The following C5orf22 variants were observed in gnomAD, a reference collection of about 807,000 sequenced individuals.
The protein encoded by C5orf22 is UPF0489 protein C5orf22.
C5orf22 carries 36 observed loss-of-function variants against 48.7 expected under a neutral mutation model. That is an observed-to-expected ratio of 0.74 (90% CI 0.57 to 0.98). C5orf22 has a LOEUF of 0.98. C5orf22 is among the 50% of genes least tolerant of loss of function. The probability of loss-of-function intolerance (pLI) is 0.00; values close to 1 mark genes in which losing one functional copy is unlikely to be tolerated. For synonymous variants in C5orf22, 141 were observed against 180.8 expected, an observed-to-expected ratio of 0.78 and a Z score of 1.76; for missense variants, 486 against 521.9, an observed-to-expected ratio of 0.93 and a Z score of 0.67.
Position 31,553,153 on chromosome 5 carries a change from G to GTTT in C5orf22, c.*260_*262dup. 1.1e-5 allele frequency: 3 copies of GTTT among 263,852 alleles called. No individual in the cohort carries two copies. Among genetic ancestry groups the GTTT allele is most frequent in the Admixed American group, 5.1e-5 (1 of 19,562 alleles). The allele number at this position is 263,852 out of a possible 1,614,324, so 16.3% of individuals were successfully genotyped here. A position where few individuals can be genotyped will look rare whatever the true frequency, so the allele number is the denominator to read the frequency against. On this transcript the variant is annotated 3_prime_UTR_variant, in exon 9 of 9. Transcript: ENST00000325366. ...TTCCTTAAGTATTTTTTAGGGTTTT[G>GTTT]TTTTTTTTTTTGTTTGTTTGTTTGT... is the stretch of plus-strand genomic sequence containing the variant.
chr5:31,552,353 G>A (rs976481144), intron 8 of C5orf22, among the ~76,000 whole-genome samples: 1 of 152,130 alleles, frequency 6.6e-6, no homozygotes, highest in Non-Finnish European at 1.5e-5. Context: ...TTATCAGTTG[G>A]AAAACCTCGA....
At position 31,532,425 on chromosome 5, in the gene C5orf22, C is replaced by T; in HGVS notation, c.33C>T (p.Leu11=). The change falls in exon 1 of 9, where the codon CTC becomes CTT. Residue 11 remains leucine, a synonymous_variant. Transcript: ENST00000325366. MSDSAGGRAG[L]RRYPKLPVWV... ...ACTCCGCGGGAGGGCGCGCTGGTCTCCGGCGTTACCCCAAGCTCCCAGTGT... is the reference window on the plus strand; with the variant it reads ...ACTCCGCGGGAGGGCGCGCTGGTCTTCGGCGTTACCCCAAGCTCCCAGTGT... 6.2e-7 allele frequency: 1 copy of T among 1,613,972 alleles called. No individual in the cohort carries two copies. Among genetic ancestry groups the T allele is most frequent in the Non-Finnish European group, 8.5e-7 (1 of 1,179,952 alleles).
intron 7 of C5orf22, 110 bp downstream of exon 7, chr5:31,545,822 A>C: frequency 1.5e-6 from 1 of 652,574 alleles, no homozygotes; most frequent in South Asian, 2.0e-5. Context: ...GTTCCTGTGA[A>C]GTCTGAAACA....
chr5:31,539,669 A>C (rs1742329358), intron 4 of C5orf22, among the ~76,000 whole-genome samples: 2 of 152,194 alleles, frequency 1.3e-5, no homozygotes, highest in Admixed American at 1.3e-4. Flanking sequence ...TTTAAAAAGC[A>C]TATATTAAAC....
chr5:31,537,844 A>T (rs1195870282), intron 3 of C5orf22, among the ~76,000 whole-genome samples: 1 of 152,220 alleles, frequency 6.6e-6, no homozygotes, highest in Non-Finnish European at 1.5e-5. Flanking sequence ...TGGCAGCTCT[A>T]GAGTTTGGGG....
chr5:31,543,402 T>C (rs1742592872), intron 6 of C5orf22, among the ~76,000 whole-genome samples: 1 of 151,844 alleles, frequency 6.6e-6, no homozygotes, highest in Admixed American at 6.6e-5. Context: ...ATCCTGTCTC[T>C]ACAAAAAAAT....
At chr5:31,545,607 G>A (rs1172966519) in intron 6 of C5orf22, 39 bp from the exon 7 acceptor site, 1 of 1,397,252 alleles carries the variant, frequency 7.2e-7, no homozygotes, top group South Asian at 1.2e-5. Flanking sequence ...TAGTTGTGGT[G>A]GTTGTGATGT....
intron 4 of C5orf22, 66 bp downstream of exon 4, chr5:31,538,755 C>T (rs1391761085): frequency 3.3e-6 from 4 of 1,220,452 alleles, no homozygotes; most frequent in Non-Finnish European, 4.6e-6. Context: ...GATGAGGAAC[C>T]AGCAAACTCT....
At position 31,541,456 on chromosome 5, in the gene C5orf22, T is replaced by C; in HGVS notation, c.992+54T>C. ...AACTCTACTAACTTTCAGTCCTAGATATGTTCCTAAATTTGCAAGATACAT... is the reference window on the plus strand; with the variant it reads ...AACTCTACTAACTTTCAGTCCTAGACATGTTCCTAAATTTGCAAGATACAT... On this transcript the variant is annotated intron_variant, in intron 6 of 8. Transcript: ENST00000325366. 3 of 1,582,378 alleles carry C rather than the reference T, an allele frequency of 1.9e-6. No homozygotes were observed. The Admixed American group carries it at 5.3e-5, about 28-fold the overall frequency.
In C5orf22 at chr5:31,537,146, T is replaced by C. The variant is rs1180931287; in HGVS notation, c.378-1114T>C. Among the ~76,000 whole-genome samples, 3 of 152,214 alleles carry C rather than the reference T, an allele frequency of 2.0e-5. No homozygotes were observed. The East Asian group carries it at 5.8e-4, about 29-fold the overall frequency. On this transcript the variant is annotated intron_variant, in intron 3 of 8. Transcript: ENST00000325366. Reference sequence around the variant, plus strand: ...GTAGGGTTTTTATTGAGTACTTCAGTGAGTAGGCCTGATTTAACCTACAAA... The same window carrying C: ...GTAGGGTTTTTATTGAGTACTTCAGCGAGTAGGCCTGATTTAACCTACAAA...
At chr5:31,535,712 G>C in intron 2 of C5orf22, 32 bp from the exon 3 acceptor site, 1 of 1,513,728 alleles carries the variant, frequency 6.6e-7, no homozygotes, top group Non-Finnish European at 8.9e-7. Context: ...AAAAATAAAA[G>C]TTTTAATGTT....
At chr5:31,547,628 A>G (rs1342252328) in intron 7 of C5orf22, among the ~76,000 whole-genome samples, 1 of 152,228 alleles carries the variant, frequency 6.6e-6, no homozygotes, top group Non-Finnish European at 1.5e-5. Flanking sequence ...GATCAACACC[A>G]CAAGGAAGCT....
At chr5:31,549,182 G>A (rs1743091033) in intron 7 of C5orf22, among the ~76,000 whole-genome samples, 1 of 152,104 alleles carries the variant, frequency 6.6e-6, no homozygotes, top group Non-Finnish European at 1.5e-5. Flanking sequence ...TCATGCCATT[G>A]TACTCCAGCC....
chr5:31,541,483 G>A, intron 6 of C5orf22, 81 bp downstream of exon 6: 2 of 1,498,534 alleles, frequency 1.3e-6, no homozygotes, highest in Non-Finnish European at 1.8e-6. Flanking sequence ...AAGATACATT[G>A]CTTTTAAAAA....
At chr5:31,533,279 T>C (rs971408302) in intron 1 of C5orf22, among the ~76,000 whole-genome samples, 1 of 142,814 alleles carries the variant, frequency 7.0e-6, no homozygotes, top group Non-Finnish European at 1.6e-5. Flanking sequence ...AAAAAAAAAA[T>C]TTAACACGGT....
chr5:31,539,703 T>A (rs941516735), intron 4 of C5orf22, among the ~76,000 whole-genome samples: 1 of 152,138 alleles, frequency 6.6e-6, no homozygotes, highest in Non-Finnish European at 1.5e-5. Context: ...AGCAATTTTT[T>A]AAATATCATT....
At position 31,538,637 on chromosome 5, in the gene C5orf22, T is replaced by C. The variant is rs1259784381; in HGVS notation, c.755T>C (p.Ile252Thr). The C allele has an allele frequency of 1.9e-6, 3 of 1,613,644 alleles. No homozygotes were observed. Among genetic ancestry groups the C allele is most frequent in the African/African-American group, 2.7e-5 (2 of 74,904 alleles). Residue 252 changes from isoleucine to threonine, a missense_variant, in exon 4 of 9, where the codon ATT (isoleucine) becomes ACT (threonine). Ile to Thr is a moderately conservative substitution (Grantham distance 89). Transcript: ENST00000325366. ...AAAGGGAAGGCATTTGTTTTAGATATTGACTTGGATTTTTTTTCAGTCAAG... is the reference window on the plus strand; with the variant it reads ...AAAGGGAAGGCATTTGTTTTAGATACTGACTTGGATTTTTTTTCAGTCAAG... The part of the protein sequence containing the change: ...LKKGKAFVLD[I>T]DLDFFSVKNP...
rs12658729 is a variant in C5orf22, at chr5:31,553,861, T to G, written c.*959T>G. The G allele has an allele frequency of 6.6e-6, 1 of 152,026 alleles. No individual in the cohort carries two copies. Among genetic ancestry groups the G allele is most frequent in the African/African-American group, 2.4e-5 (1 of 41,370 alleles). The allele number at this position is 152,026 out of a possible 1,614,324, so 9.4% of individuals were successfully genotyped here. On this transcript the variant is annotated 3_prime_UTR_variant, in exon 9 of 9. Transcript: ENST00000325366. ...CAGGGTCTCTTGTGCATCCAGGAGGTCATTGTAGATATCAATAATATAGTG... is the reference window on the plus strand; with the variant it reads ...CAGGGTCTCTTGTGCATCCAGGAGGGCATTGTAGATATCAATAATATAGTG...
chr5:31,546,038 T>A (rs1742861798), intron 7 of C5orf22, among the ~76,000 whole-genome samples: 1 of 152,174 alleles, frequency 6.6e-6, no homozygotes, highest in Non-Finnish European at 1.5e-5. Context: ...GGTCCATTTT[T>A]TATTGATGAG....
Sources: gnomAD v4.1 joint callset for allele counts (sites outside exome capture counted in the v4.1 genomes callset) on GRCh38, gnomAD v4.1.1 for gene constraint, MANE v1.5 for transcripts, NCBI Gene and HGNC (gene_info 2026-07-23, HGNC 2026-07-21) for gene names.